Variants in SRGAP2 observed in about 807,000 individuals in gnomAD.
SRGAP2 encodes SLIT-ROBO Rho GTPase activating protein 2.
In SRGAP2, 15 loss-of-function variants were observed where a neutral mutation model predicts 57.2. That is an observed-to-expected ratio of 0.26 (90% confidence interval 0.18 to 0.40). The LOEUF is 0.40. Ranked by LOEUF, SRGAP2 falls within the 10% of genes least tolerant of loss-of-function variation. The probability of loss-of-function intolerance (pLI) is 1.00; values close to 1 mark genes in which losing one functional copy is unlikely to be tolerated. For synonymous variants in SRGAP2, 249 were observed against 248.0 expected (o/e 1.00, Z -0.04); for missense variants, 520 against 669.6 (o/e 0.78, Z 2.47).
chr1:206,372,038 T>G (rs1478067163), intron 4 of SRGAP2, among the ~76,000 whole-genome samples: 1 of 86,292 alleles, frequency 1.2e-5, no homozygotes, highest in Non-Finnish European at 2.0e-5. Flanking sequence ...CAGCCTGGTC[T>G]TGAACTCCTG....
chr1:206,228,471 G>A (rs1667414697), intron 2 of SRGAP2, among the ~76,000 whole-genome samples: 1 of 152,122 alleles, frequency 6.6e-6, no homozygotes, highest in South Asian at 2.1e-4. Flanking sequence ...ATTGTTAGGT[G>A]TGGATGACAG....
intron 13 of SRGAP2, among the ~76,000 whole-genome samples, chr1:206,429,860 T>C (rs373357809): frequency 1.3e-5 from 2 of 152,134 alleles, no homozygotes; most frequent in South Asian, 4.1e-4. Context: ...TTGAGAGATA[T>C]TTAGAAGGCA....
intron 2 of SRGAP2, among the ~76,000 whole-genome samples, chr1:206,252,285 T>C (rs1215575068): frequency 8.6e-5 from 13 of 150,850 alleles, no homozygotes; most frequent in South Asian, 4.3e-4. Flanking sequence ...TCTTTTTTTT[T>C]TCCCCCAGTA....
Position 206,453,528 on chromosome 1 carries a change from A to AC in SRGAP2, c.2360+156dup, listed in dbSNP as rs367665520. On this transcript the variant is annotated intron_variant, in intron 20 of 22. Transcript: ENST00000573034. ...AGGCTCACACAGTTCCTTGAAGAGCACCCCCCCCACCCCCCGCCCCACTCC... is the reference window on the plus strand; with the variant it reads ...AGGCTCACACAGTTCCTTGAAGAGCACCCCCCCCCACCCCCCGCCCCACTCC... The AC allele has an allele frequency of 3.1e-3, 1,185 of 381,592 alleles. 9 individuals carry two copies. The highest frequency in any genetic ancestry group is 0.027 in the East Asian group (717 of 26,360). 23.6% of individuals were successfully genotyped at this position (381,592 alleles called of 1,614,324 possible).
intron 2 of SRGAP2, among the ~76,000 whole-genome samples, chr1:206,210,401 GT>G (rs1666240495): frequency 1.7e-5 from 1 of 60,320 alleles, no homozygotes; most frequent in Non-Finnish European, 3.2e-5. Context: ...TAGGGGTCTT[GT>G]CTTTTTTTTT....
At chr1:206,326,525 G>C (rs1673899267) in intron 3 of SRGAP2, among the ~76,000 whole-genome samples, 2 of 152,156 alleles carry the variant, frequency 1.3e-5, no homozygotes, top group Non-Finnish European at 2.9e-5. Flanking sequence ...AGCCCTTTGA[G>C]ATGCTAAGGG....
chr1:206,435,058 G>A (rs1440379204), intron 14 of SRGAP2, among the ~76,000 whole-genome samples: 1 of 152,106 alleles, frequency 6.6e-6, no homozygotes, highest in African/African-American at 2.4e-5. Flanking sequence ...TATTACACTG[G>A]TACTAATGAG....
chr1:206,284,701 G>A (rs1171306656), intron 2 of SRGAP2, among the ~76,000 whole-genome samples: 3 of 152,086 alleles, frequency 2.0e-5, no homozygotes, highest in South Asian at 4.1e-4. Flanking sequence ...CTCCCGCTTC[G>A]GCCTCCCAAA....
chr1:206,440,663 T>C (rs569608828), intron 17 of SRGAP2, among the ~76,000 whole-genome samples: 1 of 152,124 alleles, frequency 6.6e-6, no homozygotes, highest in Non-Finnish European at 1.5e-5. Context: ...TTCTCCTGCC[T>C]CAGCCTCCTG....
chr1:206,430,703 G>A (rs1661213118), intron 14 of SRGAP2, among the ~76,000 whole-genome samples: 1 of 152,248 alleles, frequency 6.6e-6, no homozygotes, highest in Non-Finnish European at 1.5e-5. Context: ...GCATGGCCAA[G>A]GGCTGAGTTA....
Position 206,463,664 on chromosome 1 carries a change from CT to C in SRGAP2, c.*2245del, listed in dbSNP as rs1339969418. On this transcript the variant is annotated 3_prime_UTR_variant, in exon 23 of 23. Coordinates refer to ENST00000573034, the MANE Select transcript of SRGAP2 (RefSeq NM_015326.5). The stretch of plus-strand genomic sequence containing the variant: ...CATCCGCGCTAATTTGCATCATGAA[CT>C]GAACAGTGTGTGAGTGGTCACCTAC... 1 of 152,630 alleles carries C rather than the reference CT, an allele frequency of 6.6e-6. No homozygotes were observed. Among genetic ancestry groups the C allele is most frequent in the Non-Finnish European group, 1.5e-5 (1 of 68,066 alleles). 9.5% of individuals were successfully genotyped at this position (152,630 alleles called of 1,614,324 possible). A position where few individuals can be genotyped will look rare whatever the true frequency, so the allele number is the denominator to read the frequency against.
intron 2 of SRGAP2, among the ~76,000 whole-genome samples, chr1:206,283,340 AGACTTTT>A (rs1242687384): frequency 8.6e-5 from 13 of 151,068 alleles, no homozygotes; most frequent in African/African-American, 2.9e-4. Flanking sequence ...CTGACTAAAA[AGACTTTT>A]ATATTAGACT....
chr1:206,367,087 G>C (rs1243153307), intron 4 of SRGAP2, among the ~76,000 whole-genome samples: 1 of 152,100 alleles, frequency 6.6e-6, no homozygotes, highest in East Asian at 1.9e-4. Flanking sequence ...TGGATTTAAA[G>C]CTGATTGAGT....
chr1:206,423,354 T>C (rs1382539246), intron 13 of SRGAP2, among the ~76,000 whole-genome samples: 2 of 152,248 alleles, frequency 1.3e-5, no homozygotes, highest in Non-Finnish European at 2.9e-5. Context: ...TAGATGAATC[T>C]TTCTCTTCTT....
chr1:206,242,126 C>G (rs1553309350), intron 2 of SRGAP2, among the ~76,000 whole-genome samples: 2 of 151,838 alleles, frequency 1.3e-5, no homozygotes, highest in Non-Finnish European at 2.9e-5. Context: ...TAGTGCCCAT[C>G]TCCTCCCATC....
intron 4 of SRGAP2, among the ~76,000 whole-genome samples, chr1:206,347,481 G>A (rs562207243): frequency 1.0e-4 from 15 of 148,266 alleles, no homozygotes; most frequent in African/African-American, 3.5e-4. Context: ...AGAGATTGAA[G>A]CAGGAGAATC....
At chr1:206,299,832 C>G (rs1671785055) in intron 2 of SRGAP2, among the ~76,000 whole-genome samples, 1 of 151,926 alleles carries the variant, frequency 6.6e-6, no homozygotes, top group Non-Finnish European at 1.5e-5. Flanking sequence ...CATTCTCTTT[C>G]TTCTTTCTTT....
Position 206,279,827 on chromosome 1 carries a change from A to T in SRGAP2, c.68-23454A>T, listed in dbSNP as rs1176078422. On this transcript the variant is annotated intron_variant, in intron 2 of 22. Transcript: ENST00000573034. ...GAAGTGAAAGCACTTTGAAACTCAGAAAGTCCAGGAAGAAATCGGCTGGTT... is the reference window on the plus strand; with the variant it reads ...GAAGTGAAAGCACTTTGAAACTCAGTAAGTCCAGGAAGAAATCGGCTGGTT... Among the ~76,000 whole-genome samples the T allele has an allele frequency of 1.1e-4, 16 of 151,874 alleles. No individual in the cohort carries two copies. The East Asian group carries it at 3.1e-3, about 29-fold the overall frequency.
At chr1:206,394,332 G>T (rs1184102170) in intron 7 of SRGAP2, among the ~76,000 whole-genome samples, 2 of 152,088 alleles carry the variant, frequency 1.3e-5, no homozygotes, top group African/African-American at 4.8e-5. Flanking sequence ...AAAGTGCTAG[G>T]ATTACAGGTG....
Sources: gnomAD v4.1 joint callset for allele counts (sites outside exome capture counted in the v4.1 genomes callset) on GRCh38, gnomAD v4.1.1 for gene constraint, MANE v1.5 for transcripts, NCBI Gene and HGNC (gene_info 2026-07-23, HGNC 2026-07-21) for gene names.